Variants in SH3BP4 observed in about 807,000 individuals in gnomAD.
SH3BP4 encodes the protein SH3 domain binding protein 4.
In SH3BP4, 33 loss-of-function variants were observed where a neutral mutation model predicts 65.5. The ratio of observed to expected loss-of-function variants is 0.50; its 90% confidence interval spans 0.38 to 0.67. SH3BP4 has a LOEUF of 0.67. Ranked by LOEUF, SH3BP4 falls within the 30% of genes least tolerant of loss-of-function variation. SH3BP4 has a pLI of 0.00. For missense variants in SH3BP4, 1,134 were observed against 1,261.4 expected, an observed-to-expected ratio of 0.90 and a Z score of 1.53; for synonymous variants, 552 against 545.5, an observed-to-expected ratio of 1.01 and a Z score of -0.17.
intron 2 of SH3BP4, among the ~76,000 whole-genome samples, chr2:234,996,979 C>A (rs962826585): frequency 7.1e-6 from 1 of 140,710 alleles, no homozygotes; most frequent in African/African-American, 2.6e-5. Context: ...AGCAAGACAT[C>A]TGGGAAGAGG....
At chr2:235,027,851 G>A (rs951455977) in intron 2 of SH3BP4, among the ~76,000 whole-genome samples, 1 of 152,182 alleles carries the variant, frequency 6.6e-6, no homozygotes, top group African/African-American at 2.4e-5. Flanking sequence ...ACATGCTCTC[G>A]TTAGGTTGGT....
intron 4 of SH3BP4, among the ~76,000 whole-genome samples, chr2:235,050,146 C>T (rs1009472984): frequency 4.6e-5 from 7 of 151,936 alleles, no homozygotes; most frequent in East Asian, 1.9e-4. Context: ...GACGGAGTCT[C>T]GCTCTGTCCC....
At chr2:235,038,303 A>G (rs1292148107) in intron 3 of SH3BP4, among the ~76,000 whole-genome samples, 1 of 11,614 alleles carries the variant, frequency 8.6e-5, no homozygotes, top group Non-Finnish European at 1.1e-4. Flanking sequence ...TATATATTAT[A>G]TATATATATT....
chr2:234,962,015 A>G (rs1692726418), intron 1 of SH3BP4, among the ~76,000 whole-genome samples: 1 of 152,112 alleles, frequency 6.6e-6, no homozygotes, highest in Non-Finnish European at 1.5e-5. Context: ...CTTTGTTTGC[A>G]AGAGGTCTTT....
chr2:234,965,919 G>A (rs185322181), intron 1 of SH3BP4, among the ~76,000 whole-genome samples: 355 of 152,318 alleles, frequency 2.3e-3, no homozygotes, highest in South Asian at 6.2e-3. Flanking sequence ...TTGCAAATAG[G>A]CAATGCAGTA....
chr2:234,988,359 C>T (rs866047535), intron 1 of SH3BP4, among the ~76,000 whole-genome samples: 2 of 152,136 alleles, frequency 1.3e-5, no homozygotes, highest in African/African-American at 2.4e-5. Context: ...ACACCCGGCC[C>T]GCCAGCCACG....
chr2:234,967,216 CG>C lies in SH3BP4; in HGVS notation c.-207+15052del, dbSNP rs375629972. 2.2e-4 allele frequency among the ~76,000 whole-genome samples: 33 copies of C among 152,216 alleles called. No individual in the cohort carries two copies. In the East Asian group the frequency reaches 5.2e-3, roughly 24 times the overall value. On this transcript the variant is annotated intron_variant, in intron 1 of 5. Transcript: ENST00000392011. The surrounding 1 kb of genome is among the most constrained non-coding windows in gnomAD (Gnocchi z 4.6). ...AACCATGATACTGTTCTCCCCTACA[CG>C]GGGGGCCAGGTCTCAATTCCAGGGT... is the stretch of plus-strand genomic sequence containing the variant.
rs1479103688 is a variant in SH3BP4, at chr2:234,974,815, G to A, written c.-206-20488G>A. 6.6e-6 allele frequency among the ~76,000 whole-genome samples: 1 copy of A among 152,178 alleles called. No homozygotes were observed. Among genetic ancestry groups the A allele is most frequent in the African/African-American group, 2.4e-5 (1 of 41,436 alleles). On this transcript the variant is annotated intron_variant, in intron 1 of 5. Coordinates refer to ENST00000392011, the MANE Select transcript of SH3BP4 (RefSeq NM_014521.3). The surrounding 1 kb of genome is among the most constrained non-coding windows in gnomAD (Gnocchi z 4.6). ...CTTTCTGGACAAGGGTGAGGGGAGG[G>A]GAAGGAATCTGAGCCAGTCAGTGTG...
rs1695863587 is a variant in SH3BP4 at position 235,046,504 on chromosome 2, C to T, written c.2478+3257C>T. ...GGAGGATCACTTGAGCCCAGGAGGT[C>T]GAGGCTACACTGAGCTATGATCGCA... On this transcript the variant is annotated intron_variant, in intron 4 of 5. Transcript: ENST00000392011. This position sits in a 1 kb window ranked among gnomAD's most constrained non-coding sequence, Gnocchi z 4.2. Among the ~76,000 whole-genome samples, 1 of 151,776 alleles carries T rather than the reference C, an allele frequency of 6.6e-6. No individual in the cohort carries two copies. The highest frequency in any genetic ancestry group is 2.1e-4 in the South Asian group (1 of 4,808).
chr2:234,993,791 G>T (rs1159050841), intron 1 of SH3BP4, among the ~76,000 whole-genome samples: 3 of 152,246 alleles, frequency 2.0e-5, no homozygotes, highest in African/African-American at 7.2e-5. Flanking sequence ...GAGAGGGATG[G>T]ACGGATGGCG....
chr2:235,028,100 C>G (rs964133273), intron 2 of SH3BP4, among the ~76,000 whole-genome samples: 1 of 152,174 alleles, frequency 6.6e-6, no homozygotes, highest in Admixed American at 6.5e-5. Context: ...AGAGCAGCCT[C>G]TTTTGTCTCT....
chr2:235,037,114 G>A (rs1031129759), intron 3 of SH3BP4, among the ~76,000 whole-genome samples: 15 of 152,162 alleles, frequency 9.9e-5, no homozygotes, highest in African/African-American at 3.6e-4. Flanking sequence ...GTAGGCAGAC[G>A]GATAGGAAAT....
At chr2:234,960,479 G>A (rs1692680776) in intron 1 of SH3BP4, among the ~76,000 whole-genome samples, 1 of 152,142 alleles carries the variant, frequency 6.6e-6, no homozygotes, top group Non-Finnish European at 1.5e-5. Flanking sequence ...TGTGTGAGGG[G>A]GTGCTGACTC....
At chr2:234,966,364 G>A (rs904008060) in intron 1 of SH3BP4, among the ~76,000 whole-genome samples, 1 of 152,062 alleles carries the variant, frequency 6.6e-6, no homozygotes, top group South Asian at 2.1e-4. Context: ...AGCGAAACTC[G>A]GTTTAAAAAA....
intron 4 of SH3BP4, among the ~76,000 whole-genome samples, chr2:235,048,728 C>CGA (rs924993470): frequency 6.6e-6 from 1 of 152,252 alleles, no homozygotes; most frequent in Admixed American, 6.5e-5. Flanking sequence ...CAGCCACACC[C>CGA]ATTCCCATCT....
Position 235,042,495 on chromosome 2 carries a change from A to G in SH3BP4, c.1726A>G (p.Ile576Val). The change falls in exon 4 of 6, where the codon ATC (isoleucine) becomes GTC (valine). Residue 576 changes from isoleucine to valine, a missense_variant. Coordinates refer to ENST00000392011, the MANE Select transcript of SH3BP4 (RefSeq NM_014521.3). This position sits in a 1 kb window ranked among gnomAD's most constrained non-coding sequence, Gnocchi z 7.3. Reference sequence around the variant, plus strand: ...CAAGGTGAGCCGCCTGATCTTCCCCATCACCTCCCAGAACCCCAACGAGCT... The same window carrying G: ...CAAGGTGAGCCGCCTGATCTTCCCCGTCACCTCCCAGAACCCCAACGAGCT... ...LGKVSRLIFP[I>V]TSQNPNELSD... 6.2e-7 allele frequency: 1 copy of G among 1,614,000 alleles called. No individual in the cohort carries two copies. Among genetic ancestry groups the G allele is most frequent in the Non-Finnish European group, 8.5e-7 (1 of 1,179,984 alleles).
In SH3BP4 at chr2:234,971,128, C is replaced by T. The variant is rs139467593; in HGVS notation, c.-207+18958C>T. On this transcript the variant is annotated intron_variant, in intron 1 of 5. Coordinates refer to ENST00000392011, the MANE Select transcript of SH3BP4 (RefSeq NM_014521.3). ...TACAGCAGAATCTTCACACCTTTTT[C>T]ATCTTGCAGAATGAAAATTCTGTAC... Among the ~76,000 whole-genome samples, 1,088 of 152,318 alleles carry T rather than the reference C, an allele frequency of 7.1e-3. 11 individuals carry two copies. Among genetic ancestry groups the T allele is most frequent in the Middle Eastern group, 0.014 (4 of 294 alleles).
chr2:235,004,804 CT>C (rs1433383194), intron 2 of SH3BP4, among the ~76,000 whole-genome samples: 1 of 152,202 alleles, frequency 6.6e-6, no homozygotes, highest in African/African-American at 2.4e-5. Flanking sequence ...TCGTTGCCAC[CT>C]TCTGGCTGTT....
At chr2:234,983,073 G>A (rs570259270) in intron 1 of SH3BP4, among the ~76,000 whole-genome samples, 3 of 152,328 alleles carry the variant, frequency 2.0e-5, no homozygotes, top group African/African-American at 7.2e-5. Context: ...TGATGCAGCT[G>A]CTGCTGAGCA....
Sources: gnomAD v4.1 joint callset for allele counts (sites outside exome capture counted in the v4.1 genomes callset) on GRCh38, gnomAD v4.1.1 for gene constraint, Gnocchi (gnomAD v3.1) non-coding constraint, MANE v1.5 for transcripts, NCBI Gene and HGNC (gene_info 2026-07-23, HGNC 2026-07-21) for gene names.